The following CFTR variants were observed in gnomAD, a reference collection of about 807,000 sequenced individuals.
The protein encoded by CFTR is CF transmembrane conductance regulator.
A neutral mutation model predicts 171.6 loss-of-function variants in CFTR; 181 were observed. The ratio of observed to expected loss-of-function variants is 1.05; its 90% confidence interval spans 0.93 to 1.19. The LOEUF (loss-of-function observed/expected upper bound fraction) is 1.19, where lower values mean the gene tolerates loss of function less well. CFTR is among the 50% of genes most tolerant of loss of function. The pLI, the probability that CFTR is intolerant of heterozygous loss-of-function variation, is 0.00. For missense variants in CFTR, 1,968 were observed against 1,734.7 expected, an observed-to-expected ratio of 1.13 and a Z score of -2.39; for synonymous variants, 583 against 608.0, an observed-to-expected ratio of 0.96 and a Z score of 0.60.
intron 22 of CFTR, among the ~76,000 whole-genome samples, chr7:117,630,050 C>T (rs560440281): frequency 1.3e-5 from 2 of 152,264 alleles, no homozygotes; most frequent in South Asian, 4.2e-4. Flanking sequence ...ACATGATAAT[C>T]TAAAAGGGAA....
intron 18 of CFTR, among the ~76,000 whole-genome samples, chr7:117,610,135 A>G (rs529991453): frequency 2.7e-5 from 4 of 149,538 alleles, no homozygotes; most frequent in African/African-American, 9.8e-5. Context: ...CTATCGCAAG[A>G]ACAAAAAACC....
At chr7:117,631,997 T>C (rs1434258890) in intron 22 of CFTR, among the ~76,000 whole-genome samples, 1 of 152,152 alleles carries the variant, frequency 6.6e-6, no homozygotes, top group Admixed American at 6.5e-5. Context: ...AAACCCACAT[T>C]GTTGGTGTCA....
chr7:117,608,903 G>A (rs1792341003), intron 18 of CFTR, among the ~76,000 whole-genome samples: 1 of 151,862 alleles, frequency 6.6e-6, no homozygotes, highest in East Asian at 1.9e-4. Context: ...TTTAAAATTT[G>A]AATTTTATTG....
intron 21 of CFTR, among the ~76,000 whole-genome samples, chr7:117,616,920 G>C (rs1490786698): frequency 6.6e-6 from 1 of 152,118 alleles, no homozygotes; most frequent in Non-Finnish European, 1.5e-5. Context: ...TGTCACCCAT[G>C]CCATTGCTAA....
intron 1 of CFTR, among the ~76,000 whole-genome samples, chr7:117,481,126 A>T (rs1797994788): frequency 6.6e-6 from 1 of 152,228 alleles, no homozygotes. Flanking sequence ...TAGCTTTCAC[A>T]TCTCTCTTAT....
chr7:117,590,229 T>C lies in CFTR; in HGVS notation c.1680-124T>C, dbSNP rs17140229. On this transcript the variant is annotated intron_variant, in intron 12 of 26. Coordinates refer to ENST00000003084, the MANE Select transcript of CFTR (RefSeq NM_000492.4). ...TGCACCACTTTTGAGAATAGTGTTA[T>C]TTCAGTGAATCGATGTGGTGACCAT... The C allele has an allele frequency of 0.021, 24,176 of 1,126,198 alleles. 3,680 individuals are homozygous for C. In the African/African-American group the frequency reaches 0.33, roughly 15 times the overall value. 69.8% of individuals were successfully genotyped at this position (1,126,198 alleles called of 1,614,324 possible). A position where few individuals can be genotyped will look rare whatever the true frequency, so the allele number is the denominator to read the frequency against.
At chr7:117,524,074 T>C (rs1225439175) in intron 3 of CFTR, among the ~76,000 whole-genome samples, 1 of 152,248 alleles carries the variant, frequency 6.6e-6, no homozygotes, top group African/African-American at 2.4e-5. Context: ...GTCTATCCAG[T>C]CTTTCTGTAT....
At chr7:117,631,663 C>A (rs761017533) in intron 22 of CFTR, among the ~76,000 whole-genome samples, 7 of 152,156 alleles carry the variant, frequency 4.6e-5, no homozygotes, top group Non-Finnish European at 1.0e-4. Flanking sequence ...AGAGAGAGCA[C>A]AGAATCTCTG....
chr7:117,592,520 C>T lies in CFTR; in HGVS notation c.2353C>T (p.Arg785Ter), dbSNP rs374946172. Residue 785 changes from arginine to a stop codon, truncating the protein, a stop_gained, in exon 14 of 27, where the codon CGA becomes TGA. Transcript: ENST00000003084. LOFTEE classifies it high-confidence loss of function. The stretch of plus-strand genomic sequence containing the variant: ...AGTTAACCAAGGTCAGAACATTCAC[C>T]GAAAGACAACAGCATCCACACGAAA... ...HSVNQGQNIHRKTTASTRKVS... is the reference protein window; with the variant it reads ...HSVNQGQNIH 6 of 1,527,734 alleles carry T rather than the reference C, an allele frequency of 3.9e-6. No homozygotes were observed. Among genetic ancestry groups the T allele is most frequent in the Admixed American group, 2.2e-5 (1 of 45,878 alleles). The allele number at this position is 1,527,734 out of a possible 1,614,324, so 94.6% of individuals were successfully genotyped here.
intron 21 of CFTR, among the ~76,000 whole-genome samples, chr7:117,620,768 T>A (rs1471718446): frequency 6.6e-6 from 1 of 152,176 alleles, no homozygotes; most frequent in African/African-American, 2.4e-5. Context: ...AGGAATGGAT[T>A]AGATCACAAG....
At chr7:117,650,079 A>G (rs772201302) in intron 23 of CFTR, among the ~76,000 whole-genome samples, 1 of 152,132 alleles carries the variant, frequency 6.6e-6, no homozygotes, top group Non-Finnish European at 1.5e-5. Flanking sequence ...GGAGGGGCTA[A>G]ACCATGTAGG....
intron 1 of CFTR, among the ~76,000 whole-genome samples, chr7:117,499,429 CTGTGTGTGTGTG>C (rs56985019): frequency 2.9e-5 from 4 of 135,830 alleles, no homozygotes; most frequent in East Asian, 2.1e-4. Context: ...ATAGTTTCAT[CTGTGTGTGTGTG>C]TGTGTGTGTG....
At chr7:117,493,679 A>G (rs942972855) in intron 1 of CFTR, among the ~76,000 whole-genome samples, 1 of 152,142 alleles carries the variant, frequency 6.6e-6, no homozygotes, top group African/African-American at 2.4e-5. Context: ...AATTGTGTCT[A>G]CATACTGCTC....
At chr7:117,511,517 G>A (rs1798518130) in intron 3 of CFTR, among the ~76,000 whole-genome samples, 1 of 152,186 alleles carries the variant, frequency 6.6e-6, no homozygotes, top group African/African-American at 2.4e-5. Context: ...CACCTTTGAA[G>A]GGGAAAGCGT....
intron 17 of CFTR, 36 bp from the exon 18 acceptor site, chr7:117,606,638 T>G (rs1432311951): frequency 2.7e-6 from 3 of 1,105,254 alleles, no homozygotes; most frequent in Non-Finnish European, 4.2e-6. Flanking sequence ...AAAAAATTAG[T>G]GTTTTTTGAG....
chr7:117,608,916 G>T (rs903640197), intron 18 of CFTR, among the ~76,000 whole-genome samples: 1 of 151,610 alleles, frequency 6.6e-6, no homozygotes, highest in Admixed American at 6.6e-5. Context: ...TTTTATTGTG[G>T]CAAGTCCACT....
chr7:117,628,268 A>G (rs1049008839), intron 22 of CFTR, among the ~76,000 whole-genome samples: 1 of 152,168 alleles, frequency 6.6e-6, no homozygotes, highest in African/African-American at 2.4e-5. Context: ...ATATTTATTA[A>G]GCATGAGTAA....
rs191090123 is a variant in CFTR, at chr7:117,620,737, A to G, written c.3468+6024A>G. Among the ~76,000 whole-genome samples the G allele has an allele frequency of 7.9e-4, 120 of 152,346 alleles. 1 individual carries two copies. The highest frequency in any genetic ancestry group is 7.3e-5 in the Non-Finnish European group (5 of 68,028). ...CCATCATTTTACTTCCAGGGTTTAG[A>G]TAATCTCATTTTTGCAATGAAGGAA... On this transcript the variant is annotated intron_variant, in intron 21 of 26. Transcript: ENST00000003084.
chr7:117,665,551 G>A lies in CFTR; in HGVS notation c.4229G>A (p.Cys1410Tyr). 6.2e-7 allele frequency: 1 copy of A among 1,610,082 alleles called. No homozygotes were observed. The highest frequency in any genetic ancestry group is 8.5e-7 in the Non-Finnish European group (1 of 1,176,508). ...CEHRIEAMLECQQFLVIEENK... is the reference protein window; with the variant it reads ...CEHRIEAMLEYQQFLVIEENK... ...CACAGGATAGAAGCAATGCTGGAAT[G>A]CCAACAATTTTTGGTGAGTCTTTAT... is the stretch of plus-strand genomic sequence containing the variant. Residue 1410 changes from cysteine (C) to tyrosine (Y), a missense_variant, in exon 26 of 27, where the codon TGC becomes TAC. Coordinates refer to ENST00000003084, the MANE Select transcript of CFTR (RefSeq NM_000492.4).
Sources: gnomAD v4.1 joint callset for allele counts (sites outside exome capture counted in the v4.1 genomes callset) on GRCh38, gnomAD v4.1.1 for gene constraint, MANE v1.5 for transcripts, NCBI Gene and HGNC (gene_info 2026-07-23, HGNC 2026-07-21) for gene names.